The following NSD2 variants were observed in gnomAD, a reference collection of about 807,000 sequenced individuals.
The protein encoded by NSD2 is histone-lysine N-methyltransferase NSD2.
A neutral mutation model predicts 139.0 loss-of-function variants in NSD2; 12 were observed. The ratio of observed to expected loss-of-function variants is 0.09; its 90% CI spans 0.06 to 0.14. The LOEUF (loss-of-function observed/expected upper bound fraction) is 0.14, where lower values mean the gene tolerates loss of function less well. NSD2 is among the 10% of genes least tolerant of loss of function. The pLI, the probability that NSD2 is intolerant of heterozygous loss-of-function variation, is 1.00. For missense variants in NSD2, 1,155 were observed against 1,745.0 expected, an observed-to-expected ratio of 0.66 and a Z score of 6.02; for synonymous variants, 669 against 648.7, an observed-to-expected ratio of 1.03 and a Z score of -0.48.
At position 1,943,559 on chromosome 4, in the gene NSD2, G is replaced by A. The variant is rs536844135; in HGVS notation, c.1881+3781G>A. 2.9e-5 allele frequency: 30 copies of A among 1,050,856 alleles called. No individual in the cohort carries two copies. The East Asian group carries it at 1.5e-3, about 51-fold the overall frequency. 65.1% of individuals were successfully genotyped at this position (1,050,856 alleles called of 1,614,324 possible). On this transcript the variant is annotated intron_variant, in intron 9 of 21. Coordinates refer to ENST00000508803, the MANE Select transcript of NSD2 (RefSeq NM_001042424.3). ...AAGTGGCAGAACACTGGATTTGTGT[G>A]TGTGGCGCTTTAGGGTGCTGGACTG...
intron 1 of NSD2, among the ~76,000 whole-genome samples, chr4:1,879,698 G>T (rs775278127): frequency 1.3e-4 from 20 of 151,990 alleles, no homozygotes; most frequent in Non-Finnish European, 2.2e-4. Flanking sequence ...TGCATGTGCT[G>T]TTGCTTCTTC....
Position 1,948,571 on chromosome 4 carries a change from G to T in NSD2, c.1882-2501G>T, listed in dbSNP as rs539442427. Reference sequence around the variant, plus strand: ...CTGGGAGGGGGTGTGGTGGGAAAAAGTCGGAATCTCTGCAATCTGTGTCAT... The same window carrying T: ...CTGGGAGGGGGTGTGGTGGGAAAAATTCGGAATCTCTGCAATCTGTGTCAT... On this transcript the variant is annotated intron_variant, in intron 9 of 21. Transcript: ENST00000508803. The surrounding 1 kb of genome is among the most constrained non-coding windows in gnomAD (Gnocchi z 4.5). The T allele has an allele frequency of 4.7e-6, 5 of 1,064,276 alleles. No homozygotes were observed. In the East Asian group the frequency reaches 2.5e-4, roughly 54 times the overall value. The allele number at this position is 1,064,276 out of a possible 1,614,324, so 65.9% of individuals were successfully genotyped here. A position where few individuals can be genotyped will look rare whatever the true frequency, so the allele number is the denominator to read the frequency against.
intron 9 of NSD2, chr4:1,943,862 A>G (rs1263644726): frequency 9.4e-7 from 1 of 1,063,430 alleles, no homozygotes; most frequent in African/African-American, 1.6e-5. Context: ...TTTCATTTGA[A>G]ATTACAGCAT....
chr4:1,874,047 T>A lies in NSD2; in HGVS notation c.-30+2505T>A, dbSNP rs550715148. ...CTGGCTCTGCCCTGTCCTTTTTAGC[T>A]GGGCAAGTGGGCAAATAACCTTTCT... On this transcript the variant is annotated intron_variant, in intron 1 of 21. Coordinates refer to ENST00000508803, the MANE Select transcript of NSD2 (RefSeq NM_001042424.3). 2.0e-4 allele frequency among the ~76,000 whole-genome samples: 30 copies of A among 152,334 alleles called. No individual in the cohort carries two copies. In the South Asian group the frequency reaches 6.2e-3, roughly 32 times the overall value.
chr4:1,930,251 A>G (rs898398734), intron 5 of NSD2, among the ~76,000 whole-genome samples: 3 of 152,178 alleles, frequency 2.0e-5, no homozygotes, highest in African/African-American at 4.8e-5. Flanking sequence ...GCCCACCTCC[A>G]TGTTCAGGGG....
In NSD2 at chr4:1,900,846, G is replaced by A; in HGVS notation, c.192G>A (p.Lys64=). 6.2e-7 allele frequency: 1 copy of A among 1,613,790 alleles called. No individual in the cohort carries two copies. Among genetic ancestry groups the A allele is most frequent in the Non-Finnish European group, 8.5e-7 (1 of 1,179,832 alleles). Residue 64 remains lysine, a synonymous_variant, in exon 2 of 22, where the codon AAG becomes AAA. Transcript: ENST00000508803. The part of the protein sequence containing the change: ...SSSLQEGVMQ[K]FNGHDALPFI... ...GCCTGCAGGAGGGGGTCATGCAGAA[G>A]TTTAACGGCCACGACGCCCTGCCCT...
intron 1 of NSD2, among the ~76,000 whole-genome samples, chr4:1,885,445 T>C (rs186299367): frequency 3.8e-4 from 58 of 152,334 alleles, no homozygotes; most frequent in Admixed American, 3.8e-3. Context: ...GAGGGGGCCC[T>C]GGTCATTCTT....
rs551111516 is a variant in NSD2, at chr4:1,943,435, T to G, written c.1881+3657T>G. ...GTTATAATAATAAAAATGATAAAAT[T>G]GCCATCATTCTATTTTTATCCAAAA... On this transcript the variant is annotated intron_variant, in intron 9 of 21. Transcript: ENST00000508803. 4.8e-6 allele frequency: 5 copies of G among 1,044,166 alleles called. No individual in the cohort carries two copies. In the South Asian group the frequency reaches 2.3e-4, roughly 48 times the overall value. The allele number at this position is 1,044,166 out of a possible 1,614,324, so 64.7% of individuals were successfully genotyped here. A position where few individuals can be genotyped will look rare whatever the true frequency, so the allele number is the denominator to read the frequency against.
chr4:1,974,843 T>TA lies in NSD2; in HGVS notation c.3373-19dup, dbSNP rs770228176. The TA allele has an allele frequency of 2.5e-6, 4 of 1,613,814 alleles. No homozygotes were observed. Among genetic ancestry groups the TA allele is most frequent in the Non-Finnish European group, 3.4e-6 (4 of 1,179,694 alleles). ...ATGCGATTGCTAACACTTGACCGAA[T>TA]ATATCACTTGACCTTACAGGACCGT... On this transcript the variant is annotated intron_variant, in intron 18 of 21. Coordinates refer to ENST00000508803, the MANE Select transcript of NSD2 (RefSeq NM_001042424.3). This position sits in a 1 kb window ranked among gnomAD's most constrained non-coding sequence, Gnocchi z 4.0.
At chr4:1,921,350 G>T (rs77514933) in intron 5 of NSD2, among the ~76,000 whole-genome samples, 9,284 of 151,864 alleles carry the variant, frequency 0.061, 967 homozygotes, top group African/African-American at 0.21. Flanking sequence ...TTCCGGCTAT[G>T]TGGGAGGCTG....
At position 1,948,608 on chromosome 4, in the gene NSD2, T is replaced by C; in HGVS notation, c.1882-2464T>C. 7 of 1,062,806 alleles carry C rather than the reference T, an allele frequency of 6.6e-6. No individual in the cohort carries two copies. The highest frequency in any genetic ancestry group is 1.6e-5 in the African/African-American group (1 of 60,902). The allele number at this position is 1,062,806 out of a possible 1,614,324, so 65.8% of individuals were successfully genotyped here. On this transcript the variant is annotated intron_variant, in intron 9 of 21. Transcript: ENST00000508803. This position sits in a 1 kb window ranked among gnomAD's most constrained non-coding sequence, Gnocchi z 4.5. ...GCAATCTGTGTCATGGACTGTACTA[T>C]TGTAAGGTCTATATTCTGTATGTGG...
At chr4:1,890,403 A>G (rs1265454805) in intron 1 of NSD2, among the ~76,000 whole-genome samples, 2 of 143,914 alleles carry the variant, frequency 1.4e-5, no homozygotes, top group East Asian at 2.1e-4. Context: ...GGTTCACGCC[A>G]TTCTCCTGCC....
At position 1,900,731 on chromosome 4, in the gene NSD2, A is replaced by G; in HGVS notation, c.77A>G (p.Glu26Gly). The change falls in exon 2 of 22, where the codon GAA becomes GGA. Residue 26 changes from glutamate to glycine, a missense_variant. By Grantham distance (98) the Glu-to-Gly change is moderately conservative. Around this residue, in one of 8 missense-constraint regions of NSD2, gnomAD observed 246 missense variants for 262.8 expected, o/e 0.94. Coordinates refer to ENST00000508803, the MANE Select transcript of NSD2 (RefSeq NM_001042424.3). ...TGCATAAAGATGAAGCAGGCACCAG[A>G]AATCCTCGGCAGTGCCAACGGGAAG... is the stretch of plus-strand genomic sequence containing the variant. Reference protein sequence around the residue: ...VKCIKMKQAPEILGSANGKTP... With the variant: ...VKCIKMKQAPGILGSANGKTP... 1 of 1,614,090 alleles carries G rather than the reference A, an allele frequency of 6.2e-7. No homozygotes were observed. The highest frequency in any genetic ancestry group is 8.5e-7 in the Non-Finnish European group (1 of 1,180,004).
chr4:1,902,680 G>T (rs190461645), intron 2 of NSD2, among the ~76,000 whole-genome samples: 1 of 152,250 alleles, frequency 6.6e-6, no homozygotes, highest in East Asian at 1.9e-4. Flanking sequence ...CTCAAACGAT[G>T]TTCCTGCATC....
intron 9 of NSD2, chr4:1,940,779 G>A: frequency 2.8e-6 from 3 of 1,059,980 alleles, no homozygotes; most frequent in Non-Finnish European, 3.4e-6. Context: ...CAGGAAGGAT[G>A]GGGTGTGCCT....
intron 1 of NSD2, among the ~76,000 whole-genome samples, chr4:1,871,882 C>A (rs1389448777): frequency 1.1e-5 from 1 of 94,696 alleles, no homozygotes; most frequent in Non-Finnish European, 2.2e-5. Flanking sequence ...GCCGGGCGGG[C>A]GGGCGCGGCC....
chr4:1,951,779 C>T (rs1724296266), intron 10 of NSD2, among the ~76,000 whole-genome samples: 1 of 152,196 alleles, frequency 6.6e-6, no homozygotes, highest in Non-Finnish European at 1.5e-5. Context: ...GTGGCACCTG[C>T]CATCTGGATT....
intron 1 of NSD2, among the ~76,000 whole-genome samples, chr4:1,877,464 C>T (rs1714344223): frequency 6.6e-6 from 1 of 152,212 alleles, no homozygotes; most frequent in Admixed American, 6.5e-5. Flanking sequence ...TCATCTCTTT[C>T]TGCCATGTTT....
chr4:1,894,394 T>C (rs1715961645), intron 1 of NSD2, among the ~76,000 whole-genome samples: 2 of 152,324 alleles, frequency 1.3e-5, no homozygotes, highest in East Asian at 3.9e-4. Flanking sequence ...CTGGAAAATG[T>C]TTCACCTCTT....
Sources: gnomAD v4.1 joint callset for allele counts (sites outside exome capture counted in the v4.1 genomes callset) on GRCh38, gnomAD v4.1.1 for gene constraint, gnomAD v4.1.1 regional missense constraint, Gnocchi (gnomAD v3.1) non-coding constraint, MANE v1.5 for transcripts, NCBI Gene and HGNC (gene_info 2026-07-23, HGNC 2026-07-21) for gene names.